Variants in MRPL1 observed in about 807,000 individuals in gnomAD.
MRPL1 encodes mitochondrial ribosomal protein L1.
In MRPL1, 28 loss-of-function variants were observed where a neutral mutation model predicts 38.0. The ratio of observed to expected loss-of-function variants is 0.74; its 90% confidence interval spans 0.55 to 1.01. The LOEUF (loss-of-function observed/expected upper bound fraction) is 1.01, where lower values mean the gene tolerates loss of function less well. Among genes scored for constraint, MRPL1 ranks in the 50% least tolerant of loss-of-function variants. MRPL1 has a pLI of 0.00. For synonymous variants in MRPL1, 123 were observed against 126.7 expected (o/e 0.97, Z 0.20); for missense variants, 358 against 389.8 (o/e 0.92, Z 0.69).
chr4:77,872,104 A>T (rs4859509), intron 2 of MRPL1, among the ~76,000 whole-genome samples: 116,307 of 152,028 alleles, frequency 0.77, 45,276 homozygotes, highest in African/African-American at 0.91. Context: ...ATTATGCACA[A>T]TTTACAGAGA....
At chr4:77,946,858 A>G (rs1392033912) in intron 7 of MRPL1, among the ~76,000 whole-genome samples, 2 of 152,328 alleles carry the variant, frequency 1.3e-5, no homozygotes, top group African/African-American at 2.4e-5. Flanking sequence ...CAGAGAATCT[A>G]TGAAGACCCT....
chr4:77,863,588 TC>T (rs1393274398), intron 1 of MRPL1, among the ~76,000 whole-genome samples: 2 of 150,990 alleles, frequency 1.3e-5, no homozygotes, highest in Admixed American at 1.3e-4. Flanking sequence ...TGCCTCGGCC[TC>T]CCGAGTAGCA....
intron 8 of MRPL1, among the ~76,000 whole-genome samples, chr4:77,951,708 T>C (rs1007055992): frequency 1.3e-4 from 20 of 152,228 alleles, no homozygotes; most frequent in African/African-American, 4.8e-4. Flanking sequence ...GTTCTCCTCA[T>C]GTCTGCATGG....
intron 6 of MRPL1, among the ~76,000 whole-genome samples, chr4:77,900,335 G>A (rs1022498001): frequency 3.3e-5 from 5 of 152,148 alleles, no homozygotes; most frequent in Admixed American, 2.0e-4. Flanking sequence ...CTGTCTTTAA[G>A]AAGATAAACA....
At chr4:77,938,686 C>T (rs933247014) in intron 7 of MRPL1, among the ~76,000 whole-genome samples, 2 of 152,112 alleles carry the variant, frequency 1.3e-5, no homozygotes, top group African/African-American at 4.8e-5. Context: ...GGACATTGGC[C>T]CCACAGCCCT....
intron 7 of MRPL1, among the ~76,000 whole-genome samples, chr4:77,944,773 TCCC>T (rs923234417): frequency 2.0e-5 from 3 of 152,214 alleles, no homozygotes; most frequent in African/African-American, 7.2e-5. Flanking sequence ...TCCCTTTTTC[TCCC>T]CTTAGTATAC....
intron 6 of MRPL1, among the ~76,000 whole-genome samples, chr4:77,897,771 T>C (rs368980259): frequency 1.1e-3 from 170 of 152,352 alleles, no homozygotes; most frequent in African/African-American, 4.0e-3. Flanking sequence ...GTTTGCATTA[T>C]TGGAACAATC....
intron 7 of MRPL1, among the ~76,000 whole-genome samples, chr4:77,914,854 G>C (rs1578052636): frequency 6.6e-6 from 1 of 152,154 alleles, no homozygotes; most frequent in African/African-American, 2.4e-5. Context: ...AAGATATCTA[G>C]AACAGGGGTC....
chr4:77,881,404 G>A (rs1415810008), intron 2 of MRPL1, among the ~76,000 whole-genome samples: 1 of 150,956 alleles, frequency 6.6e-6, no homozygotes. Flanking sequence ...GAAGTATTTT[G>A]GAGTCTTTAT....
chr4:77,878,965 AT>A (rs1226949040), intron 2 of MRPL1, among the ~76,000 whole-genome samples: 1 of 152,168 alleles, frequency 6.6e-6, no homozygotes, highest in Non-Finnish European at 1.5e-5. Context: ...GGGAAAAGTT[AT>A]TGCTTTTGTA....
intron 7 of MRPL1, among the ~76,000 whole-genome samples, chr4:77,948,172 T>G (rs532801519): frequency 2.6e-4 from 40 of 152,306 alleles, no homozygotes; most frequent in African/African-American, 9.1e-4. Context: ...TTTTTCTTTA[T>G]CTCTTTTCCA....
At chr4:77,866,406 T>C (rs1188209380) in intron 1 of MRPL1, among the ~76,000 whole-genome samples, 8 of 152,254 alleles carry the variant, frequency 5.3e-5, no homozygotes, top group Admixed American at 3.3e-4. Flanking sequence ...TGATAAAATA[T>C]TAACTTACTG....
intron 6 of MRPL1, among the ~76,000 whole-genome samples, chr4:77,902,156 A>G (rs531115061): frequency 1.3e-5 from 2 of 152,338 alleles, no homozygotes; most frequent in South Asian, 2.1e-4. Context: ...TGAAAACTCA[A>G]CATGTCAGAA....
At chr4:77,946,447 C>T (rs1737272505) in intron 7 of MRPL1, among the ~76,000 whole-genome samples, 1 of 152,042 alleles carries the variant, frequency 6.6e-6, no homozygotes, top group Non-Finnish European at 1.5e-5. Context: ...ACATCCTCAG[C>T]TTATGAAGAT....
intron 6 of MRPL1, among the ~76,000 whole-genome samples, chr4:77,901,663 T>TATA (rs1282029164): frequency 6.6e-6 from 1 of 152,162 alleles, no homozygotes; most frequent in African/African-American, 2.4e-5. Flanking sequence ...ATGGATATTC[T>TATA]ATAATAATAA....
intron 2 of MRPL1, among the ~76,000 whole-genome samples, chr4:77,882,959 T>C (rs1222983531): frequency 6.6e-6 from 1 of 152,224 alleles, no homozygotes; most frequent in African/African-American, 2.4e-5. Flanking sequence ...CTTGTATTAC[T>C]ACATTATATT....
chr4:77,863,099 G>A (rs1735041199), intron 1 of MRPL1: 1 of 593,000 alleles, frequency 1.7e-6, no homozygotes, highest in African/African-American at 1.9e-5. Context: ...AGTGGGAGCG[G>A]GACGTACATC....
chr4:77,934,983 G>T (rs557096808), intron 7 of MRPL1, among the ~76,000 whole-genome samples: 1 of 152,164 alleles, frequency 6.6e-6, no homozygotes. Flanking sequence ...AGTGAAATTC[G>T]TAGAGATAGA....
intron 7 of MRPL1, among the ~76,000 whole-genome samples, chr4:77,917,427 C>A (rs1340651258): frequency 1.3e-5 from 2 of 152,052 alleles, no homozygotes; most frequent in African/African-American, 4.8e-5. Flanking sequence ...AAAAGGGGAC[C>A]GGTTTTTCTG....
Sources: gnomAD v4.1 joint callset for allele counts (sites outside exome capture counted in the v4.1 genomes callset) on GRCh38, gnomAD v4.1.1 for gene constraint, MANE v1.5 for transcripts, NCBI Gene and HGNC (gene_info 2026-07-23, HGNC 2026-07-21) for gene names.